The following CLEC4C variants were observed in gnomAD, a reference collection of about 807,000 sequenced individuals.
The protein encoded by CLEC4C is C-type (calcium dependent, carbohydrate-recognition domain) lectin, superfamily member 11.
In CLEC4C, 17 loss-of-function variants were observed where a neutral mutation model predicts 27.7. The observed-to-expected ratio is 0.61, with a 90% CI of 0.42 to 0.92. The LOEUF is 0.92. CLEC4C is among the 40% of genes least tolerant of loss of function. The pLI, the probability that CLEC4C is intolerant of heterozygous loss-of-function variation, is 0.00. For synonymous variants in CLEC4C, 80 were observed against 80.8 expected (o/e 0.99, Z 0.06); for missense variants, 244 against 257.3 (o/e 0.95, Z 0.35).
intron 4 of CLEC4C, among the ~76,000 whole-genome samples, chr12:7,736,021 C>T (rs149738086): frequency 1.5e-4 from 23 of 152,180 alleles, no homozygotes; most frequent in African/African-American, 4.3e-4. Flanking sequence ...TGGTGGCTCA[C>T]GCCTGTAATC....
intron 4 of CLEC4C, 41 bp from the exon 5 acceptor site, chr12:7,730,953 G>A (rs1333697411): frequency 9.8e-6 from 10 of 1,021,952 alleles, no homozygotes; most frequent in Non-Finnish European, 1.6e-5. Context: ...GATAGAGCAG[G>A]AGCACCCTCA....
chr12:7,729,786 G>C, intron 5 of CLEC4C, 46 bp from the exon 6 acceptor site: 1 of 1,588,704 alleles, frequency 6.3e-7, no homozygotes, highest in Middle Eastern at 1.7e-4. Context: ...CCGTGGTTTG[G>C]AAAAGGTTAG....
chr12:7,746,237 A>G, intron 2 of CLEC4C, 94 bp downstream of exon 2: 2 of 762,658 alleles, frequency 2.6e-6, no homozygotes, highest in Non-Finnish European at 4.3e-6. Flanking sequence ...AAAAAAAGAA[A>G]AAAAAAGAAA....
At chr12:7,737,399 T>C in intron 4 of CLEC4C, 30 bp downstream of exon 4, 1 of 1,562,994 alleles carries the variant, frequency 6.4e-7, no homozygotes, top group Non-Finnish European at 8.7e-7. Context: ...GGAAACAGAT[T>C]AGCTGACCAC....
intron 3 of CLEC4C, 41 bp from the exon 4 acceptor site, chr12:7,737,615 G>A (rs1383542878): frequency 9.5e-6 from 15 of 1,572,010 alleles, no homozygotes; most frequent in Non-Finnish European, 1.3e-5. Context: ...TATTAACAGA[G>A]AATTCTCCTC....
intron 2 of CLEC4C, among the ~76,000 whole-genome samples, chr12:7,745,998 G>A (rs758737167): frequency 2.6e-5 from 4 of 151,720 alleles, no homozygotes; most frequent in African/African-American, 7.2e-5. Flanking sequence ...GGCGGATCAC[G>A]AGGTCAGGAG....
intron 4 of CLEC4C, among the ~76,000 whole-genome samples, chr12:7,731,376 G>C (rs967434556): frequency 4.0e-5 from 6 of 151,732 alleles, no homozygotes; most frequent in Non-Finnish European, 7.4e-5. Context: ...AAAAACTCTT[G>C]GTCTGTAAGA....
rs1168875264 is a variant in CLEC4C, at chr12:7,729,726, C to T, written c.512G>A (p.Gly171Asp). The change falls in exon 6 of 6, where the codon GGT (glycine) becomes GAT (aspartate). Residue 171 changes from glycine (G) to aspartate (D), a missense_variant. Gly to Asp is a moderately conservative substitution (Grantham distance 94). Coordinates refer to ENST00000360345, the MANE Select transcript of CLEC4C (RefSeq NM_001371390.1). ...YNENVTFWHSGEPNNLDERCA... is the reference protein window; with the variant it reads ...YNENVTFWHSDEPNNLDERCA... ...ACGCTCATCAAGGTTATTGGGTTCA[C>T]CTGAGTGCCAGAATCTGAAAGGTAG... 3.1e-6 allele frequency: 5 copies of T among 1,613,874 alleles called. No homozygotes were observed. Among genetic ancestry groups the T allele is most frequent in the South Asian group, 1.1e-5 (1 of 91,026 alleles).
intron 4 of CLEC4C, among the ~76,000 whole-genome samples, chr12:7,732,225 T>C (rs1268658422): frequency 6.6e-6 from 1 of 152,216 alleles, no homozygotes; most frequent in African/African-American, 2.4e-5. Context: ...AGACGGGGTT[T>C]CACCATGTTG....
chr12:7,733,346 C>T (rs1335064964), intron 4 of CLEC4C, among the ~76,000 whole-genome samples: 1 of 150,800 alleles, frequency 6.6e-6, no homozygotes, highest in Admixed American at 6.6e-5. Context: ...TCAGGGCAAC[C>T]TTTGCTTTCT....
intron 4 of CLEC4C, among the ~76,000 whole-genome samples, chr12:7,732,846 G>A (rs943444571): frequency 2.0e-5 from 3 of 147,034 alleles, no homozygotes; most frequent in Non-Finnish European, 3.0e-5. Context: ...CTACTCAGGA[G>A]GCTGAGGCAG....
At chr12:7,744,205 C>T (rs1864922897) in intron 2 of CLEC4C, among the ~76,000 whole-genome samples, 1 of 152,184 alleles carries the variant, frequency 6.6e-6, no homozygotes, top group Admixed American at 6.6e-5. Context: ...CAACATGAGA[C>T]TTGGAAGGGA....
At chr12:7,741,940 G>C (rs1864865611) in intron 2 of CLEC4C, among the ~76,000 whole-genome samples, 1 of 152,072 alleles carries the variant, frequency 6.6e-6, no homozygotes, top group Non-Finnish European at 1.5e-5. Flanking sequence ...AGAATTGCTA[G>C]AACCCAGGAA....
chr12:7,745,605 G>A (rs986895975), intron 2 of CLEC4C, among the ~76,000 whole-genome samples: 1 of 150,920 alleles, frequency 6.6e-6, no homozygotes, highest in Non-Finnish European at 1.5e-5. Context: ...GCTAATTTTT[G>A]TATTTTTAGT....
chr12:7,745,449 T>TTTC (rs1864952786), intron 2 of CLEC4C, among the ~76,000 whole-genome samples: 1 of 137,146 alleles, frequency 7.3e-6, no homozygotes, highest in Non-Finnish European at 1.6e-5. Context: ...TTTTTTTTTT[T>TTTC]TGAGACAGAG....
At chr12:7,733,632 C>T (rs1308356991) in intron 4 of CLEC4C, among the ~76,000 whole-genome samples, 1 of 151,640 alleles carries the variant, frequency 6.6e-6, no homozygotes, top group East Asian at 1.9e-4. Flanking sequence ...CAGGCTCCCG[C>T]CACCATGCCC....
intron 2 of CLEC4C, among the ~76,000 whole-genome samples, chr12:7,744,130 C>T (rs1864921500): frequency 6.6e-6 from 1 of 152,150 alleles, no homozygotes; most frequent in African/African-American, 2.4e-5. Flanking sequence ...CCTGCCATGC[C>T]CCACCTCCAA....
intron 2 of CLEC4C, among the ~76,000 whole-genome samples, chr12:7,742,514 A>G (rs1304944886): frequency 2.1e-5 from 2 of 93,260 alleles, no homozygotes; most frequent in Admixed American, 1.4e-4. Flanking sequence ...TTGTCTCGAA[A>G]AAAAAAAAAA....
intron 4 of CLEC4C, among the ~76,000 whole-genome samples, chr12:7,735,914 T>G (rs1040980713): frequency 2.0e-5 from 3 of 152,146 alleles, no homozygotes; most frequent in African/African-American, 7.2e-5. Flanking sequence ...AATTCTAGAT[T>G]TGAAAAATAC....
Sources: allele counts gnomAD v4.1 joint callset (sites outside exome capture counted in the v4.1 genomes callset), GRCh38; gene constraint gnomAD v4.1.1; transcripts MANE v1.5; gene names NCBI Gene and HGNC (gene_info 2026-07-23, HGNC 2026-07-21).